PDGFB: variants seen among roughly 807,000 people sequenced by gnomAD.
PDGFB encodes the protein platelet derived growth factor subunit B, also known as platelet-derived growth factor subunit B.
PDGFB carries 6 observed loss-of-function variants against 29.0 expected under a neutral mutation model. The ratio of observed to expected loss-of-function variants is 0.21; its 90% CI spans 0.11 to 0.41. The LOEUF (loss-of-function observed/expected upper bound fraction) is 0.41. Ranked by LOEUF, PDGFB falls within the 10% of genes least tolerant of loss-of-function variation. PDGFB has a pLI of 1.00. For missense variants in PDGFB, 299 were observed against 341.8 expected, an observed-to-expected ratio of 0.87 and a Z score of 0.99; for synonymous variants, 144 against 140.8, an observed-to-expected ratio of 1.02 and a Z score of -0.16.
intron 2 of PDGFB, 114 bp from the exon 3 acceptor site, chr22:39,233,638 T>C (rs1877985421): frequency 3.2e-6 from 2 of 625,376 alleles, no homozygotes; most frequent in African/African-American, 1.9e-5. Context: ...CAGAGAACAG[T>C]CCCTCCTTCC....
At chr22:39,241,124 G>A (rs1249559647) in intron 1 of PDGFB, 8 of 581,356 alleles carry the variant, frequency 1.4e-5, no homozygotes, top group South Asian at 2.0e-5. Flanking sequence ...TTTCCCGGAA[G>A]AAGTGTGCTG....
rs1932613824 is a variant in PDGFB at position 39,243,266 on chromosome 22, C to CTT, written c.63+634_63+635insAA. Among the ~76,000 whole-genome samples, 1 of 149,024 alleles carries CTT rather than the reference C, an allele frequency of 6.7e-6. No individual in the cohort carries two copies. The highest frequency in any genetic ancestry group is 1.5e-5 in the Non-Finnish European group (1 of 67,230). ...TCTCTCTCTCCGTCTCTCTCTCTCT[C>CTT]TCTCTCTTTCTCTCTCTCTCTCTCT... is the stretch of plus-strand genomic sequence containing the variant. On this transcript the variant is annotated intron_variant, in intron 1 of 6. Transcript: ENST00000331163. The surrounding 1 kb of genome is among the most constrained non-coding windows in gnomAD (Gnocchi z 6.4).
At chr22:39,241,150 C>G in intron 1 of PDGFB, 1 of 542,024 alleles carries the variant, frequency 1.8e-6, no homozygotes, top group South Asian at 2.2e-5. Flanking sequence ...AGACGCGTCA[C>G]GTGACAGTGG....
At chr22:39,240,918 T>TGA in intron 1 of PDGFB, 1 of 1,298,336 alleles carries the variant, frequency 7.7e-7, no homozygotes, top group Non-Finnish European at 1.1e-6. Context: ...CTCTCTCAGA[T>TGA]GCGCACACAC....
At position 39,231,385 on chromosome 22, in the gene PDGFB, G is replaced by A. The variant is rs1932299037; in HGVS notation, c.456+237C>T. Among the ~76,000 whole-genome samples, 1 of 152,168 alleles carries A rather than the reference G, an allele frequency of 6.6e-6. No individual in the cohort carries two copies. Among genetic ancestry groups the A allele is most frequent in the Non-Finnish European group, 1.5e-5 (1 of 68,026 alleles). ...GCCCAGCCCGGGGGGTCTGTCTGTG[G>A]CTTTTGGCTACAGTGGCCTGAGCCA... On this transcript the variant is annotated intron_variant, in intron 4 of 6. Transcript: ENST00000331163. The surrounding 1 kb of genome is among the most constrained non-coding windows in gnomAD (Gnocchi z 4.3).
rs754605938 is a variant in PDGFB, at chr22:39,225,763, G to A, written c.686C>T (p.Thr229Met). Residue 229 changes from threonine to methionine, a missense_variant, in exon 6 of 7, where the codon ACG becomes ATG. Coordinates refer to ENST00000331163, the MANE Select transcript of PDGFB (RefSeq NM_002608.4). ...CTCCTTCAGTGCCGTCTTGTCATGC[G>A]TGTGCTTGAATTTCCGGTGCTTGCC... is the stretch of plus-strand genomic sequence containing the variant. ...PKGKHRKFKH[T>M]HDKTALKETL... 26 of 1,614,034 alleles carry A rather than the reference G, an allele frequency of 1.6e-5. No individual in the cohort carries two copies. The highest frequency in any genetic ancestry group is 3.3e-5 in the Admixed American group (2 of 59,996).
At chr22:39,226,875 C>T (rs1932179803) in intron 5 of PDGFB, among the ~76,000 whole-genome samples, 1 of 152,232 alleles carries the variant, frequency 6.6e-6, no homozygotes, top group South Asian at 2.1e-4. Context: ...GGATCTGACC[C>T]ACCTGGGCTC....
chr22:39,228,893 A>AAAAAAAAAAAAAAATATATAT (rs1184799325), intron 5 of PDGFB, among the ~76,000 whole-genome samples: 1 of 132,520 alleles, frequency 7.5e-6, no homozygotes, highest in African/African-American at 2.6e-5. Flanking sequence ...CCTCAAAAAA[A>AAAAAAAAAAAAAAATATATAT]ATATATATAT....
chr22:39,241,035 C>T (rs1051226591), intron 1 of PDGFB: 7 of 779,382 alleles, frequency 9.0e-6, no homozygotes, highest in Non-Finnish European at 1.5e-5. Flanking sequence ...GGGATTCCAG[C>T]AGTTGGTCTC....
At chr22:39,232,541 GTGCAGTGGCGTGGTCTCGGCTAAC>G (rs1258827067) in intron 3 of PDGFB, among the ~76,000 whole-genome samples, 1 of 151,946 alleles carries the variant, frequency 6.6e-6, no homozygotes, top group African/African-American at 2.4e-5. Flanking sequence ...CCAGGCTGGA[GTGCAGTGGCGTGGTCTCGGCTAAC>G]TGCAACCTCC....
Position 39,230,223 on chromosome 22 carries a change from T to C in PDGFB, c.462A>G (p.Arg154=), listed in dbSNP as rs767707710. 1 of 1,613,758 alleles carries C rather than the reference T, an allele frequency of 6.2e-7. No homozygotes were observed. Among genetic ancestry groups the C allele is most frequent in the Non-Finnish European group, 8.5e-7 (1 of 1,180,016 alleles). Residue 154 remains arginine (R), a synonymous_variant, in exon 5 of 7, where the codon AGA becomes AGG. Coordinates refer to ENST00000331163, the MANE Select transcript of PDGFB (RefSeq NM_002608.4). ...TQVQLRPVQV[R]KIEIVRKKPI... is the part of the protein sequence containing the mutation. ...GCTTCTTCCGCACAATCTCGATCTT[T>C]CTCACCTGGAGGACAGAGCCACAAA...
At chr22:39,236,215 C>T (rs530532250) in intron 1 of PDGFB, among the ~76,000 whole-genome samples, 75 of 152,356 alleles carry the variant, frequency 4.9e-4, no homozygotes, top group Middle Eastern at 6.8e-3. Flanking sequence ...AGTCTCACAA[C>T]ACACCTGACA....
intron 1 of PDGFB, among the ~76,000 whole-genome samples, chr22:39,236,654 C>T (rs1932449998): frequency 6.6e-6 from 1 of 152,116 alleles, no homozygotes; most frequent in African/African-American, 2.4e-5. Flanking sequence ...CCCACAATGA[C>T]ACAAGAGCAG....
At position 39,230,119 on chromosome 22, in the gene PDGFB, A is replaced by C; in HGVS notation, c.566T>G (p.Val189Gly). 6.2e-7 allele frequency: 1 copy of C among 1,613,926 alleles called. No homozygotes were observed. Among genetic ancestry groups the C allele is most frequent in the Non-Finnish European group, 8.5e-7 (1 of 1,180,042 alleles). The change falls in exon 5 of 7, where the codon GTG becomes GGG. Residue 189 changes from valine to glycine, a missense_variant. Coordinates refer to ENST00000331163, the MANE Select transcript of PDGFB (RefSeq NM_002608.4). ...CTGGGAACCCCCCGGGCTTCGGGTC[A>C]CAGGCCGTGCAGCTGCCACTGTCTC... Reference protein sequence around the residue: ...KCETVAAARPVTRSPGGSQEQ... With the variant: ...KCETVAAARPGTRSPGGSQEQ...
intron 6 of PDGFB, 68 bp from the exon 7 acceptor site, chr22:39,225,381 C>T (rs967557691): frequency 9.0e-6 from 2 of 221,626 alleles, no homozygotes; most frequent in African/African-American, 4.6e-5. Flanking sequence ...GTTCATATGT[C>T]CCCGATGCCA....
At chr22:39,235,552 C>T (rs1932420987) in intron 2 of PDGFB, among the ~76,000 whole-genome samples, 1 of 152,262 alleles carries the variant, frequency 6.6e-6, no homozygotes, top group Non-Finnish European at 1.5e-5. Flanking sequence ...TGGCACCAAG[C>T]CGGAGCCACA....
In PDGFB at chr22:39,236,763, T is replaced by C. The variant is rs1240319732; in HGVS notation, c.64-889A>G. 2.6e-5 allele frequency among the ~76,000 whole-genome samples: 4 copies of C among 152,106 alleles called. No homozygotes were observed. In the East Asian group the frequency reaches 7.7e-4, roughly 29 times the overall value. Reference sequence around the variant, plus strand: ...AAAGAGGCGAGGGCAGATGGGAGACTGAGAATCACAATCCAGACCACCAGC... The same window carrying C: ...AAAGAGGCGAGGGCAGATGGGAGACCGAGAATCACAATCCAGACCACCAGC... On this transcript the variant is annotated intron_variant, in intron 1 of 6. Coordinates refer to ENST00000331163, the MANE Select transcript of PDGFB (RefSeq NM_002608.4).
At chr22:39,241,818 T>C (rs1932574188) in intron 1 of PDGFB, among the ~76,000 whole-genome samples, 2 of 151,588 alleles carry the variant, frequency 1.3e-5, no homozygotes, top group Non-Finnish European at 2.9e-5. Context: ...CCCCTCAGAG[T>C]CACATCACCA....
At position 39,242,274 on chromosome 22, in the gene PDGFB, G is replaced by A; in HGVS notation, c.63+1627C>T. On this transcript the variant is annotated intron_variant, in intron 1 of 6. Coordinates refer to ENST00000331163, the MANE Select transcript of PDGFB (RefSeq NM_002608.4). The surrounding 1 kb of genome is among the most constrained non-coding windows in gnomAD (Gnocchi z 5.7). Reference sequence around the variant, plus strand: ...CCCGCCGGAGCGCAGCATCGCCTCCGGCCAGGAGTGTGCATGCGTGGGGTG... The same window carrying A: ...CCCGCCGGAGCGCAGCATCGCCTCCAGCCAGGAGTGTGCATGCGTGGGGTG... The A allele has an allele frequency of 4.7e-6, 1 of 211,938 alleles. No homozygotes were observed. The highest frequency in any genetic ancestry group is 9.6e-6 in the Non-Finnish European group (1 of 104,558). The allele number at this position is 211,938 out of a possible 1,614,324, so 13.1% of individuals were successfully genotyped here.
Sources: allele counts gnomAD v4.1 joint callset (sites outside exome capture counted in the v4.1 genomes callset), GRCh38; gene constraint gnomAD v4.1.1; non-coding constraint Gnocchi (gnomAD v3.1); transcripts MANE v1.5; gene names NCBI Gene and HGNC (gene_info 2026-07-23, HGNC 2026-07-21).